The following ELP4 variants were observed in gnomAD, a reference collection of about 807,000 sequenced individuals.
The protein encoded by ELP4 is elongator acetyltransferase complex subunit 4, also known as elongator complex protein 4.
In ELP4, 51 loss-of-function variants were observed where a neutral mutation model predicts 48.9. The ratio of observed to expected loss-of-function variants is 1.04; its 90% CI spans 0.83 to 1.32. ELP4 has a LOEUF of 1.32. Ranked by LOEUF, ELP4 falls within the 40% of genes most tolerant of loss-of-function variation. The pLI is 0.00. For synonymous variants in ELP4, 210 were observed against 189.2 expected, an observed-to-expected ratio of 1.11 and a Z score of -0.90; for missense variants, 519 against 514.6, an observed-to-expected ratio of 1.01 and a Z score of -0.08.
At chr11:31,667,059 G>C (rs1945695147) in intron 9 of ELP4, among the ~76,000 whole-genome samples, 1 of 152,110 alleles carries the variant, frequency 6.6e-6, no homozygotes, top group African/African-American at 2.4e-5. Flanking sequence ...TTAAACAAAG[G>C]CTTTTGGATA....
chr11:31,564,843 G>A (rs1473777066), intron 3 of ELP4, among the ~76,000 whole-genome samples: 4 of 152,138 alleles, frequency 2.6e-5, no homozygotes, highest in Non-Finnish European at 5.9e-5. Context: ...AAACATGTGT[G>A]CCTGTGTCTT....
chr11:31,685,781 A>G (rs1283931102), intron 9 of ELP4, among the ~76,000 whole-genome samples: 2 of 151,992 alleles, frequency 1.3e-5, no homozygotes, highest in Admixed American at 6.6e-5. Flanking sequence ...AATACAAACA[A>G]TTAGCTGGGC....
intron 5 of ELP4, among the ~76,000 whole-genome samples, chr11:31,617,718 C>CA (rs1262441214): frequency 1.3e-4 from 8 of 63,594 alleles, no homozygotes; most frequent in Middle Eastern, 8.2e-3. Context: ...TATTCCAAGC[C>CA]AAAAAAAAGT....
At chr11:31,576,141 C>T (rs1356653936) in intron 3 of ELP4, among the ~76,000 whole-genome samples, 2 of 152,150 alleles carry the variant, frequency 1.3e-5, no homozygotes, top group African/African-American at 2.4e-5. Context: ...GATTGCAATC[C>T]TAGTCTCTGA....
chr11:31,644,898 T>C (rs1208989580), intron 7 of ELP4, among the ~76,000 whole-genome samples: 1 of 151,792 alleles, frequency 6.6e-6, no homozygotes, highest in Non-Finnish European at 1.5e-5. Context: ...AAATAAACAT[T>C]TTCTCAGTCA....
At position 31,632,333 on chromosome 11, in the gene ELP4, C is replaced by T; in HGVS notation, c.855C>T (p.Leu285=). The change falls in exon 7 of 10, where the codon CTC becomes CTT. Residue 285 remains leucine, a synonymous_variant. Transcript: ENST00000640961. The part of the protein sequence containing the change: ...GGNSHSLTKF[L]YVLRGLLRTS... ...ACAGTCACAGCCTTACCAAGTTCCT[C>T]TATGTTCTCCGTGGTCTTCTGAGAA... is the stretch of plus-strand genomic sequence containing the variant. The T allele has an allele frequency of 1.9e-6, 3 of 1,613,584 alleles. No individual in the cohort carries two copies. The highest frequency in any genetic ancestry group is 2.5e-6 in the Non-Finnish European group (3 of 1,179,726).
At chr11:31,714,901 G>A (rs1340607598) in intron 9 of ELP4, 2 of 397,558 alleles carry the variant, frequency 5.0e-6, no homozygotes, top group African/African-American at 2.1e-5. Flanking sequence ...TTTTAAGGTC[G>A]ACCAATCAGC....
chr11:31,752,355 G>A (rs1316681100), intron 9 of ELP4, among the ~76,000 whole-genome samples: 5 of 152,098 alleles, frequency 3.3e-5, no homozygotes, highest in Non-Finnish European at 7.4e-5. Flanking sequence ...CAGGGACAAA[G>A]AAAATATATT....
At chr11:31,746,582 T>G (rs1157677085) in intron 9 of ELP4, among the ~76,000 whole-genome samples, 3 of 152,182 alleles carry the variant, frequency 2.0e-5, no homozygotes, top group African/African-American at 7.2e-5. Flanking sequence ...GTTCATGTCC[T>G]TTGTAGGGAC....
chr11:31,588,448 A>T (rs1039763167), intron 3 of ELP4, among the ~76,000 whole-genome samples: 39 of 152,282 alleles, frequency 2.6e-4, no homozygotes, highest in African/African-American at 8.9e-4. Context: ...CTGGTCTCTT[A>T]ACAACTTTGG....
At chr11:31,555,798 C>T (rs1956922486) in intron 3 of ELP4, among the ~76,000 whole-genome samples, 1 of 151,856 alleles carries the variant, frequency 6.6e-6, no homozygotes, top group Non-Finnish European at 1.5e-5. Flanking sequence ...ATAATATTCA[C>T]ATAGGATTTC....
At chr11:31,648,782 G>A (rs930260207) in intron 8 of ELP4, 9 of 151,382 alleles carry the variant, frequency 5.9e-5, no homozygotes, top group Non-Finnish European at 5.9e-5. Flanking sequence ...AAGGTTGAAA[G>A]GCTATGATTC....
intron 2 of ELP4, among the ~76,000 whole-genome samples, chr11:31,534,707 T>C (rs1467525959): frequency 6.6e-6 from 1 of 152,224 alleles, no homozygotes; most frequent in African/African-American, 2.4e-5. Flanking sequence ...TTTTTTAAAA[T>C]TTAAATTTTC....
chr11:31,749,372 G>C (rs920174476), intron 9 of ELP4, among the ~76,000 whole-genome samples: 9 of 152,216 alleles, frequency 5.9e-5, no homozygotes, highest in Non-Finnish European at 1.0e-4. Context: ...TTTGGACACA[G>C]ATTAGTTATA....
chr11:31,585,575 C>T (rs138815802), intron 3 of ELP4, among the ~76,000 whole-genome samples: 2 of 151,986 alleles, frequency 1.3e-5, no homozygotes, highest in East Asian at 3.9e-4. Flanking sequence ...AAAACGTAAC[C>T]CAAGAACACA....
intron 2 of ELP4, among the ~76,000 whole-genome samples, chr11:31,538,265 T>A (rs1956535345): frequency 6.7e-6 from 1 of 148,762 alleles, no homozygotes; most frequent in Non-Finnish European, 1.5e-5. Context: ...CTATATAAAA[T>A]ATATTAATGC....
chr11:31,657,224 T>C (rs548903383), intron 9 of ELP4, among the ~76,000 whole-genome samples: 1 of 152,168 alleles, frequency 6.6e-6, no homozygotes, highest in South Asian at 2.1e-4. Context: ...GCACAGCAAA[T>C]GTTCAGAATC....
chr11:31,546,025 A>G (rs902920211), intron 3 of ELP4, among the ~76,000 whole-genome samples: 3 of 152,170 alleles, frequency 2.0e-5, no homozygotes, highest in African/African-American at 7.2e-5. Context: ...AGCTGCTGCA[A>G]AATCATGCCA....
chr11:31,745,934 T>C (rs1278140902), intron 9 of ELP4, among the ~76,000 whole-genome samples: 1 of 152,068 alleles, frequency 6.6e-6, no homozygotes, highest in Non-Finnish European at 1.5e-5. Context: ...CAAAAGAAAC[T>C]ACCATCAGAG....
Sources: gnomAD v4.1 joint callset for allele counts (sites outside exome capture counted in the v4.1 genomes callset) on GRCh38, gnomAD v4.1.1 for gene constraint, MANE v1.5 for transcripts, NCBI Gene and HGNC (gene_info 2026-07-23, HGNC 2026-07-21) for gene names.